Variants in COL21A1 observed in about 807,000 individuals in gnomAD.
COL21A1 encodes the protein collagen type XXI alpha 1 chain, also known as collagen alpha-1(XXI) chain.
In COL21A1, 149 loss-of-function variants were observed where a neutral mutation model predicts 137.9. The ratio of observed to expected loss-of-function variants is 1.08; its 90% CI spans 0.95 to 1.24. The LOEUF is 1.24. COL21A1 is among the 50% of genes most tolerant of loss of function. The pLI, the probability that COL21A1 is intolerant of heterozygous loss-of-function variation, is 0.00. For missense variants in COL21A1, 1,167 were observed against 1,158.4 expected, an observed-to-expected ratio of 1.01 and a Z score of -0.11; for synonymous variants, 456 against 391.5, an observed-to-expected ratio of 1.16 and a Z score of -1.95.
At chr6:56,160,406 A>T (rs1776107737) in intron 9 of COL21A1, among the ~76,000 whole-genome samples, 1 of 152,198 alleles carries the variant, frequency 6.6e-6, no homozygotes. Context: ...ATGGGATTCA[A>T]ATCCAACCAG....
At chr6:56,098,678 AATATATATAAATATATAAATAT>A (rs1562194170) in intron 17 of COL21A1, among the ~76,000 whole-genome samples, 1 of 52,064 alleles carries the variant, frequency 1.9e-5, no homozygotes, top group Non-Finnish European at 3.4e-5. Context: ...TATATATATA[AATATATATAAATATATAAATAT>A]ATATATAAAT....
intron 17 of COL21A1, among the ~76,000 whole-genome samples, chr6:56,097,248 G>C (rs1769409569): frequency 6.6e-6 from 1 of 151,988 alleles, no homozygotes; most frequent in East Asian, 1.9e-4. Flanking sequence ...CAATCCATTG[G>C]GCTGGAGTGG....
chr6:56,193,112 A>G (rs1778800245), intron 1 of COL21A1, among the ~76,000 whole-genome samples: 1 of 152,144 alleles, frequency 6.6e-6, no homozygotes. Context: ...TGGGAGTTGA[A>G]CAATGAGAAC....
chr6:56,132,868 C>T (rs1447359233), intron 12 of COL21A1, among the ~76,000 whole-genome samples: 2 of 152,150 alleles, frequency 1.3e-5, no homozygotes, highest in African/African-American at 2.4e-5. Context: ...TGTTTTCCTG[C>T]TGCCATTCAT....
intron 1 of COL21A1, among the ~76,000 whole-genome samples, chr6:56,242,904 G>A (rs903897924): frequency 1.6e-4 from 24 of 152,170 alleles, no homozygotes; most frequent in Non-Finnish European, 2.5e-4. Context: ...TATTCTGTAA[G>A]TTGGATTGTG....
chr6:56,365,346 T>C (rs1365935400), intron 1 of COL21A1, among the ~76,000 whole-genome samples: 1 of 152,208 alleles, frequency 6.6e-6, no homozygotes, highest in Admixed American at 6.5e-5. Context: ...CCCTAATGGC[T>C]AGACAAGGAA....
chr6:56,343,083 A>T (rs923871483), intron 1 of COL21A1, among the ~76,000 whole-genome samples: 2 of 152,188 alleles, frequency 1.3e-5, no homozygotes, highest in Non-Finnish European at 2.9e-5. Context: ...TTCTCAAGAC[A>T]GTCCCAGGAA....
chr6:56,303,850 A>G (rs1044255667), intron 1 of COL21A1, among the ~76,000 whole-genome samples: 6 of 152,176 alleles, frequency 3.9e-5, no homozygotes, highest in African/African-American at 1.2e-4. Context: ...CCCATTCAGT[A>G]TGATATGGGC....
intron 1 of COL21A1, among the ~76,000 whole-genome samples, chr6:56,213,865 A>G (rs1266646262): frequency 6.6e-6 from 1 of 152,078 alleles, no homozygotes; most frequent in Non-Finnish European, 1.5e-5. Flanking sequence ...AGATTTCTAA[A>G]TCAGCTAAAC....
chr6:56,199,824 G>A (rs1374489966), intron 1 of COL21A1, among the ~76,000 whole-genome samples: 1 of 152,106 alleles, frequency 6.6e-6, no homozygotes, highest in African/African-American at 2.4e-5. Flanking sequence ...CTACTATGTG[G>A]CAGATACTCT....
chr6:56,163,087 A>C lies in COL21A1; in HGVS notation c.1371+1336T>G, dbSNP rs141584134. Among the ~76,000 whole-genome samples the C allele has an allele frequency of 1.5e-3, 226 of 152,334 alleles. 4 individuals are homozygous for C. The East Asian group carries it at 0.035, about 24-fold the overall frequency. The stretch of plus-strand genomic sequence containing the variant: ...TGAAAATGAATAGAAAAACATACAT[A>C]AAAGATAGAAAGAATTAAATTATCT... On this transcript the variant is annotated intron_variant, in intron 9 of 29. Coordinates refer to ENST00000244728, the MANE Select transcript of COL21A1 (RefSeq NM_030820.4).
intron 1 of COL21A1, among the ~76,000 whole-genome samples, chr6:56,209,752 T>C (rs539905481): frequency 6.6e-6 from 1 of 152,240 alleles, no homozygotes; most frequent in African/African-American, 2.4e-5. Context: ...AGAAATACCA[T>C]TTGACCCAGC....
intron 1 of COL21A1, among the ~76,000 whole-genome samples, chr6:56,332,585 CCCG>C (rs1203021354): frequency 6.8e-6 from 1 of 147,546 alleles, no homozygotes; most frequent in African/African-American, 2.6e-5. Context: ...AAATAGCCCC[CCCG>C]CCCCCGCCAA....
intron 1 of COL21A1, among the ~76,000 whole-genome samples, chr6:56,239,405 T>C (rs1347158304): frequency 6.6e-6 from 1 of 152,074 alleles, no homozygotes; most frequent in Non-Finnish European, 1.5e-5. Flanking sequence ...TATTTAAAAA[T>C]ACACATGAGA....
chr6:56,296,124 A>G (rs1182800539), intron 1 of COL21A1, among the ~76,000 whole-genome samples: 1 of 151,916 alleles, frequency 6.6e-6, no homozygotes, highest in Non-Finnish European at 1.5e-5. Context: ...TAGTTTATTG[A>G]GATATTGGTT....
Position 56,108,232 on chromosome 6 carries a change from G to A in COL21A1, c.1759-6707C>T, listed in dbSNP as rs185741113. 6.6e-5 allele frequency among the ~76,000 whole-genome samples: 10 copies of A among 152,046 alleles called. No homozygotes were observed. In the East Asian group the frequency reaches 1.9e-3, roughly 29 times the overall value. ...ATTTACATAATAACAAAATTACAAC[G>A]TGAGTATTTTGACAGAGATAAGACC... On this transcript the variant is annotated intron_variant, in intron 16 of 29. Transcript: ENST00000244728.
intron 1 of COL21A1, among the ~76,000 whole-genome samples, chr6:56,195,032 C>T (rs1486645419): frequency 2.0e-5 from 3 of 152,050 alleles, no homozygotes; most frequent in Admixed American, 6.6e-5. Context: ...GGAAAAGAGA[C>T]CTCAGCTAGC....
chr6:56,275,746 A>G (rs943391505), intron 1 of COL21A1, among the ~76,000 whole-genome samples: 1 of 152,196 alleles, frequency 6.6e-6, no homozygotes, highest in South Asian at 2.1e-4. Flanking sequence ...ATGCTATGGG[A>G]AAAGGGCATG....
At chr6:56,200,644 T>A (rs1779325728) in intron 1 of COL21A1, among the ~76,000 whole-genome samples, 1 of 152,052 alleles carries the variant, frequency 6.6e-6, no homozygotes, top group Non-Finnish European at 1.5e-5. Context: ...CATCATTTTT[T>A]ATGGCTGCAT....
Sources: gnomAD v4.1 joint callset for allele counts (sites outside exome capture counted in the v4.1 genomes callset) on GRCh38, gnomAD v4.1.1 for gene constraint, MANE v1.5 for transcripts, NCBI Gene and HGNC (gene_info 2026-07-23, HGNC 2026-07-21) for gene names.